The following FAF1 variants were observed in gnomAD, a reference collection of about 807,000 sequenced individuals.
FAF1 encodes the protein FAS-associated factor 1.
A neutral mutation model predicts 92.5 loss-of-function variants in FAF1; 25 were observed. That is an observed-to-expected ratio of 0.27 (90% CI 0.20 to 0.38). The LOEUF (loss-of-function observed/expected upper bound fraction) is 0.38, where lower values mean the gene tolerates loss of function less well. FAF1 is among the 10% of genes least tolerant of loss of function. The pLI is 1.00. For synonymous variants in FAF1, 234 were observed against 273.2 expected (o/e 0.86, Z 1.42); for missense variants, 636 against 793.3 (o/e 0.80, Z 2.38).
At chr1:50,905,254 C>T (rs10399644) in intron 1 of FAF1, among the ~76,000 whole-genome samples, 13,008 of 152,136 alleles carry the variant, frequency 0.086, 574 homozygotes, top group African/African-American at 0.095. Context: ...CCATGGTGTA[C>T]ATGTGCCACA....
intron 18 of FAF1, chr1:50,452,121 G>A: frequency 2.2e-6 from 3 of 1,349,634 alleles, no homozygotes; most frequent in Non-Finnish European, 2.9e-6. Context: ...TTCAGAATGA[G>A]AATAAAGAAC....
chr1:50,693,413 G>A (rs1298014804), intron 7 of FAF1, among the ~76,000 whole-genome samples: 1 of 151,938 alleles, frequency 6.6e-6, no homozygotes, highest in East Asian at 1.9e-4. Context: ...TCCTTATGCT[G>A]GTTCCACAGT....
At chr1:50,451,101 T>C (rs1162389432) in intron 18 of FAF1, among the ~76,000 whole-genome samples, 1 of 152,112 alleles carries the variant, frequency 6.6e-6, no homozygotes, top group Non-Finnish European at 1.5e-5. Context: ...ACTGGGGTGC[T>C]AGAGAGTGAG....
At chr1:50,491,511 T>A (rs948755922) in intron 16 of FAF1, among the ~76,000 whole-genome samples, 4 of 152,242 alleles carry the variant, frequency 2.6e-5, no homozygotes, top group Non-Finnish European at 5.9e-5. Context: ...ACTAGGTTCA[T>A]CTTTGTTCTC....
At chr1:50,461,052 A>G (rs375964953) in intron 18 of FAF1, among the ~76,000 whole-genome samples, 26 of 152,236 alleles carry the variant, frequency 1.7e-4, no homozygotes, top group African/African-American at 5.5e-4. Flanking sequence ...CAAGAACTTA[A>G]CCCTGTATTT....
At chr1:50,924,286 A>C (rs1241366044) in intron 1 of FAF1, among the ~76,000 whole-genome samples, 1 of 152,100 alleles carries the variant, frequency 6.6e-6, no homozygotes, top group Non-Finnish European at 1.5e-5. Flanking sequence ...CAATTTGAAA[A>C]AAAAAAAACA....
chr1:50,561,896 AG>A (rs1649932347), intron 13 of FAF1, among the ~76,000 whole-genome samples: 1 of 150,582 alleles, frequency 6.6e-6, no homozygotes, highest in Non-Finnish European at 1.5e-5. Flanking sequence ...GAAGGAAGGA[AG>A]TTGTGTAAAC....
At chr1:50,881,797 C>T (rs564291046) in intron 1 of FAF1, among the ~76,000 whole-genome samples, 2 of 152,214 alleles carry the variant, frequency 1.3e-5, no homozygotes, top group African/African-American at 4.8e-5. Flanking sequence ...TATTAAATGC[C>T]TATATATAAT....
intron 1 of FAF1, among the ~76,000 whole-genome samples, chr1:50,906,685 G>C (rs1359258960): frequency 6.6e-6 from 1 of 152,146 alleles, no homozygotes; most frequent in Non-Finnish European, 1.5e-5. Flanking sequence ...CTGTTTGTCT[G>C]TTATTGGTGT....
At chr1:50,940,582 G>A (rs888112373) in intron 1 of FAF1, among the ~76,000 whole-genome samples, 15 of 152,160 alleles carry the variant, frequency 9.9e-5, no homozygotes, top group South Asian at 2.1e-4. Context: ...TTTGTTTCAA[G>A]TTCTACTACT....
At chr1:50,781,552 A>T (rs1661180594) in intron 4 of FAF1, among the ~76,000 whole-genome samples, 1 of 152,206 alleles carries the variant, frequency 6.6e-6, no homozygotes, top group South Asian at 2.1e-4. Context: ...CAACATACTT[A>T]TAGTGGGAGA....
intron 13 of FAF1, among the ~76,000 whole-genome samples, chr1:50,543,750 G>A (rs1003354192): frequency 6.0e-5 from 9 of 151,164 alleles, no homozygotes; most frequent in Non-Finnish European, 1.2e-4. Flanking sequence ...AACCAACACT[G>A]TCACTGTTTT....
intron 17 of FAF1, among the ~76,000 whole-genome samples, chr1:50,480,123 G>T (rs1395042165): frequency 6.6e-6 from 1 of 152,130 alleles, no homozygotes; most frequent in East Asian, 1.9e-4. Context: ...CCTGGTATAA[G>T]TTAGAAATAT....
intron 1 of FAF1, among the ~76,000 whole-genome samples, chr1:50,917,378 AG>A (rs1557588389): frequency 1.1e-4 from 17 of 152,176 alleles, no homozygotes. Flanking sequence ...ATTCCGAGCA[AG>A]AACTTGAAAA....
chr1:50,783,637 G>C (rs908171192), intron 4 of FAF1, among the ~76,000 whole-genome samples: 2 of 152,178 alleles, frequency 1.3e-5, no homozygotes, highest in Non-Finnish European at 2.9e-5. Flanking sequence ...ACTCTGGGAG[G>C]CTGAGGTGGG....
intron 18 of FAF1, among the ~76,000 whole-genome samples, chr1:50,447,121 C>CTTTTTTTTTTTTTTT (rs61612294): frequency 8.9e-5 from 10 of 112,856 alleles, no homozygotes; most frequent in East Asian, 5.1e-4. Flanking sequence ...CATATTCCTG[C>CTTTTTTTTTTTTTTT]TTTTTTTTTT....
chr1:50,802,269 T>C (rs761881863), intron 2 of FAF1, among the ~76,000 whole-genome samples: 25 of 152,122 alleles, frequency 1.6e-4, no homozygotes, highest in Non-Finnish European at 2.9e-4. Flanking sequence ...TATGTATTTT[T>C]AGTAGAGACA....
chr1:50,656,276 G>A (rs1172209118), intron 7 of FAF1, among the ~76,000 whole-genome samples: 1 of 150,860 alleles, frequency 6.6e-6, no homozygotes, highest in African/African-American at 2.4e-5. Flanking sequence ...AGGTGGCGGT[G>A]AGCTGAGATC....
At chr1:50,509,124 A>G (rs567496661) in intron 15 of FAF1, among the ~76,000 whole-genome samples, 1 of 152,366 alleles carries the variant, frequency 6.6e-6, no homozygotes, top group East Asian at 1.9e-4. Context: ...GCCAATGGCT[A>G]AACAACAAAA....
Sources: allele counts gnomAD v4.1 joint callset (sites outside exome capture counted in the v4.1 genomes callset), GRCh38; gene constraint gnomAD v4.1.1; transcripts MANE v1.5; gene names NCBI Gene and HGNC (gene_info 2026-07-23, HGNC 2026-07-21).